DPH6: variants seen among roughly 807,000 people sequenced by gnomAD.
DPH6 encodes the protein diphthine--ammonia ligase.
In DPH6, 33 loss-of-function variants were observed where a neutral mutation model predicts 38.2. That is an observed-to-expected ratio of 0.86 (90% CI 0.65 to 1.15). The LOEUF is 1.15. Ranked by LOEUF, DPH6 falls within the 50% of genes most tolerant of loss-of-function variation. The probability of loss-of-function intolerance (pLI) is 0.00; values close to 1 mark genes in which losing one functional copy is unlikely to be tolerated. For synonymous variants in DPH6, 108 were observed against 103.0 expected, an observed-to-expected ratio of 1.05 and a Z score of -0.30; for missense variants, 325 against 320.0, an observed-to-expected ratio of 1.02 and a Z score of -0.12.
At chr15:35,395,681 T>C (rs2053122120) in intron 6 of DPH6, among the ~76,000 whole-genome samples, 2 of 152,200 alleles carry the variant, frequency 1.3e-5, no homozygotes, top group Non-Finnish European at 2.9e-5. Context: ...CCAGGTCATG[T>C]GGGCATCTTC....
intron 3 of DPH6, among the ~76,000 whole-genome samples, chr15:35,497,394 C>G (rs2054571729): frequency 1.3e-5 from 2 of 152,160 alleles, no homozygotes. Flanking sequence ...TGGAAACTAG[C>G]TTTAACACCA....
intron 3 of DPH6, among the ~76,000 whole-genome samples, chr15:35,252,123 AAATC>A (rs902293644): frequency 5.3e-5 from 8 of 152,330 alleles, no homozygotes; most frequent in Admixed American, 3.9e-4. Flanking sequence ...GTCCATCTCA[AAATC>A]AATCAATCAA....
chr15:35,406,589 A>G (rs1366730662), intron 6 of DPH6, among the ~76,000 whole-genome samples: 1 of 152,016 alleles, frequency 6.6e-6, no homozygotes, highest in South Asian at 2.1e-4. Context: ...AGGAAATAGT[A>G]AGATATTAAG....
intron 3 of DPH6, among the ~76,000 whole-genome samples, chr15:35,490,912 T>C (rs1172699069): frequency 2.6e-5 from 4 of 152,228 alleles, no homozygotes; most frequent in South Asian, 2.1e-4. Context: ...TGTTGGAATC[T>C]GGTGAGGGTC....
chr15:35,492,650 C>T (rs151029819), intron 3 of DPH6, among the ~76,000 whole-genome samples: 14 of 152,102 alleles, frequency 9.2e-5, no homozygotes, highest in Non-Finnish European at 1.8e-4. Context: ...ATGCTCTCTG[C>T]CAGGTATTTA....
intron 4 of DPH6, 120 bp from the exon 5 acceptor site, chr15:35,450,923 CTTT>C: frequency 1.4e-6 from 1 of 736,776 alleles, no homozygotes; most frequent in Non-Finnish European, 2.2e-6. Context: ...ATTGAAAATG[CTTT>C]TAAAAACATA....
intron 3 of DPH6, among the ~76,000 whole-genome samples, chr15:35,518,509 T>C (rs938162018): frequency 2.6e-5 from 4 of 152,048 alleles, no homozygotes; most frequent in African/African-American, 9.7e-5. Flanking sequence ...TTTTGAGTTT[T>C]ATCATCAGTT....
At chr15:35,163,531 T>C in the DPH6 span, among the ~76,000 whole-genome samples, 3 of 152,068 alleles carry the variant, frequency 2.0e-5, no homozygotes, top group African/African-American at 7.2e-5. Context: ...AATAAGCTAA[T>C]GCATATTTGA....
intron 3 of DPH6, among the ~76,000 whole-genome samples, chr15:35,483,316 T>G (rs1480881057): frequency 1.3e-5 from 2 of 151,956 alleles, no homozygotes; most frequent in Non-Finnish European, 2.9e-5. Flanking sequence ...ATACAAAAAT[T>G]AGCCAAGTGT....
intron 3 of DPH6, among the ~76,000 whole-genome samples, chr15:35,265,833 T>C (rs2051780484): frequency 6.6e-6 from 1 of 152,198 alleles, no homozygotes; most frequent in African/African-American, 2.4e-5. Context: ...CGCTGTCATA[T>C]GATAGTCATG....
chr15:35,421,191 T>C (rs1456539278), intron 5 of DPH6, among the ~76,000 whole-genome samples: 1 of 152,172 alleles, frequency 6.6e-6, no homozygotes, highest in African/African-American at 2.4e-5. Context: ...GATAACTTCA[T>C]GGCTGAATTC....
At chr15:35,397,150 G>C (rs1434182989) in intron 6 of DPH6, among the ~76,000 whole-genome samples, 1 of 152,190 alleles carries the variant, frequency 6.6e-6, no homozygotes, top group Non-Finnish European at 1.5e-5. Context: ...CTTTAAGCTT[G>C]AAATCTAAGT....
intron 3 of DPH6, chr15:35,520,727 T>C: frequency 1.0e-6 from 1 of 984,972 alleles, no homozygotes. Flanking sequence ...GTGAGAATTA[T>C]AATATGATCA....
chr15:35,347,715 T>C (rs1416215624), intron 3 of DPH6, among the ~76,000 whole-genome samples: 1 of 150,922 alleles, frequency 6.6e-6, no homozygotes, highest in Admixed American at 6.6e-5. Flanking sequence ...ATTTTCCATA[T>C]TGGCTGTATT....
chr15:35,435,280 TACA>T (rs1488984112), intron 5 of DPH6, among the ~76,000 whole-genome samples: 1 of 151,022 alleles, frequency 6.6e-6, no homozygotes, highest in African/African-American at 2.5e-5. Context: ...CATCGTGAAA[TACA>T]ACAAGTAGAG....
At chr15:35,253,334 A>AT (rs1048775738) in intron 3 of DPH6, among the ~76,000 whole-genome samples, 7 of 152,188 alleles carry the variant, frequency 4.6e-5, no homozygotes, top group African/African-American at 1.4e-4. Context: ...GGTATAGACC[A>AT]TTTTTTTCGG....
intron 3 of DPH6, among the ~76,000 whole-genome samples, chr15:35,313,748 A>G (rs318358): frequency 0.47 from 71,393 of 152,104 alleles, 20,673 homozygotes; most frequent in Non-Finnish European, 0.63. Context: ...TTCTAAAAAA[A>G]ATCATGTTGT....
At chr15:35,201,152 G>C in the DPH6 span, among the ~76,000 whole-genome samples, 1 of 150,740 alleles carries the variant, frequency 6.6e-6, no homozygotes, top group African/African-American at 2.4e-5. Flanking sequence ...TTAAAATTCT[G>C]CAAAAATTAT....
chr15:35,192,292 T>G, the DPH6 span, among the ~76,000 whole-genome samples: 2 of 152,176 alleles, frequency 1.3e-5, no homozygotes, highest in African/African-American at 4.8e-5. Flanking sequence ...AGTACCTAAC[T>G]CCTAGTGCTG....
Sources: allele counts gnomAD v4.1 joint callset (sites outside exome capture counted in the v4.1 genomes callset), GRCh38; gene constraint gnomAD v4.1.1; transcripts MANE v1.5; gene names NCBI Gene and HGNC (gene_info 2026-07-23, HGNC 2026-07-21).